The following RASAL1 variants were observed in gnomAD, a reference collection of about 807,000 sequenced individuals.
RASAL1 encodes RAS protein activator like 1.
RASAL1 carries 72 observed loss-of-function variants against 96.6 expected under a neutral mutation model. The ratio of observed to expected loss-of-function variants is 0.75; its 90% CI spans 0.62 to 0.91. The LOEUF is 0.91. RASAL1 is among the 40% of genes least tolerant of loss of function. RASAL1 has a pLI of 0.00. For missense variants in RASAL1, 1,016 were observed against 1,072.5 expected, an observed-to-expected ratio of 0.95 and a Z score of 0.74; for synonymous variants, 405 against 430.4, an observed-to-expected ratio of 0.94 and a Z score of 0.73.
intron 1 of RASAL1, among the ~76,000 whole-genome samples, chr12:113,132,909 T>G (rs373228493): frequency 6.6e-6 from 1 of 152,152 alleles, no homozygotes; most frequent in African/African-American, 2.4e-5. Flanking sequence ...CCATCCCAAA[T>G]CCATTGGAGC....
chr12:113,104,342 G>T (rs1416729395), intron 16 of RASAL1, 44 bp from the exon 17 acceptor site: 1 of 1,521,512 alleles, frequency 6.6e-7, no homozygotes, highest in South Asian at 1.2e-5. Context: ...GGGGGCTAGG[G>T]CCGGGGTGGG....
chr12:113,119,779 C>G (rs913357026), intron 5 of RASAL1, among the ~76,000 whole-genome samples: 21 of 152,306 alleles, frequency 1.4e-4, no homozygotes, highest in Admixed American at 1.3e-4. Context: ...AGATGGGAAA[C>G]TTGATGCAAA....
rs972820593 is a variant in RASAL1 at position 113,129,016 on chromosome 12, C to G, written c.123-838G>C. Among the ~76,000 whole-genome samples the G allele has an allele frequency of 6.6e-6, 1 of 151,724 alleles. No homozygotes were observed. Among genetic ancestry groups the G allele is most frequent in the Non-Finnish European group, 1.5e-5 (1 of 67,944 alleles). On this transcript the variant is annotated intron_variant, in intron 2 of 20. Coordinates refer to ENST00000548055, the MANE Select transcript of RASAL1 (RefSeq NM_001301202.2). The surrounding 1 kb of genome is among the most constrained non-coding windows in gnomAD (Gnocchi z 5.0). ...ACACACACACACAATTCCATTCATT[C>G]ATTTGTTCATTCGTTTACTCCATAA...
chr12:113,128,240 AC>A, intron 2 of RASAL1, 62 bp from the exon 3 acceptor site: 1 of 835,070 alleles, frequency 1.2e-6, no homozygotes, highest in Non-Finnish European at 2.0e-6. Context: ...ACACCTGGAG[AC>A]CCAGACACAC....
At chr12:113,117,960 A>G (rs1174250031) in intron 7 of RASAL1, among the ~76,000 whole-genome samples, 5 of 152,216 alleles carry the variant, frequency 3.3e-5, no homozygotes, top group Admixed American at 1.3e-4. Flanking sequence ...TGGGTAGCTC[A>G]TGCCTGTAAT....
intron 5 of RASAL1, among the ~76,000 whole-genome samples, chr12:113,121,281 CTGAG>C (rs1265991934): frequency 6.6e-6 from 1 of 152,202 alleles, no homozygotes; most frequent in East Asian, 1.9e-4. Context: ...ACCTGTCATC[CTGAG>C]TGTCTGGTCT....
At position 113,099,845 on chromosome 12, in the gene RASAL1, G is replaced by A. The variant is rs1950377679; in HGVS notation, c.*84C>T. ...AACCACAGAATCAAAGAGGTCCAAG[G>A]AGACAGGAGACTCCCGGGGCAGGAT... On this transcript the variant is annotated 3_prime_UTR_variant, in exon 21 of 21. Coordinates refer to ENST00000548055, the MANE Select transcript of RASAL1 (RefSeq NM_001301202.2). The A allele has an allele frequency of 6.6e-7, 1 of 1,519,236 alleles. No individual in the cohort carries two copies. The highest frequency in any genetic ancestry group is 8.9e-7 in the Non-Finnish European group (1 of 1,127,520). 94.1% of individuals were successfully genotyped at this position (1,519,236 alleles called of 1,614,324 possible).
chr12:113,114,706 G>T, intron 12 of RASAL1, 94 bp downstream of exon 12: 1 of 1,015,370 alleles, frequency 9.8e-7, no homozygotes, highest in Non-Finnish European at 1.5e-6. Flanking sequence ...TAGCCCCAGG[G>T]TGGGTGGCAG....
chr12:113,115,375 CCAAAACAT>C lies in RASAL1; in HGVS notation c.1004-119_1004-112del, dbSNP rs1452249631. On this transcript the variant is annotated intron_variant, in intron 10 of 20. Transcript: ENST00000548055. The surrounding 1 kb of genome is among the most constrained non-coding windows in gnomAD (Gnocchi z 4.1). ...TTCCAGCCCCAAGAATCAGGAAGACCCAAAACATCAACCCCATTCACAGTACAGAGGCC... is the reference window on the plus strand; with the variant it reads ...TTCCAGCCCCAAGAATCAGGAAGACCCAACCCCATTCACAGTACAGAGGCC... 14 of 1,155,796 alleles carry C rather than the reference CCAAAACAT, an allele frequency of 1.2e-5. No homozygotes were observed. The highest frequency in any genetic ancestry group is 1.6e-5 in the Non-Finnish European group (12 of 769,162). 71.6% of individuals were successfully genotyped at this position (1,155,796 alleles called of 1,614,324 possible). A position where few individuals can be genotyped will look rare whatever the true frequency, so the allele number is the denominator to read the frequency against.
chr12:113,104,395 C>T, intron 16 of RASAL1, 97 bp from the exon 17 acceptor site: 1 of 1,268,204 alleles, frequency 7.9e-7, no homozygotes, highest in East Asian at 2.6e-5. Context: ...GAGTCAGTTC[C>T]CAGCGGCGGG....
intron 13 of RASAL1, among the ~76,000 whole-genome samples, chr12:113,109,908 C>T (rs1331063342): frequency 6.6e-6 from 1 of 152,262 alleles, no homozygotes; most frequent in Admixed American, 6.5e-5. Context: ...AGGCAAAGAA[C>T]CGGTGTCAGT....
chr12:113,110,928 A>G (rs1382692255), intron 13 of RASAL1, among the ~76,000 whole-genome samples: 2 of 152,200 alleles, frequency 1.3e-5, no homozygotes, highest in Non-Finnish European at 2.9e-5. Flanking sequence ...AGTTAGTAAT[A>G]AGTAAATAAA....
rs748880283 is a variant in RASAL1 at position 113,127,819 on chromosome 12, G to T, written c.291C>A (p.Asp97Glu). 1.2e-6 allele frequency: 2 copies of T among 1,611,812 alleles called. No individual in the cohort carries two copies. The highest frequency in any genetic ancestry group is 1.1e-5 in the South Asian group (1 of 91,050). ...CCCATGTCCCTCGCCCACCTCGGGGGTCGGCTGTAATCGCCTCCCTGCTCA... is the reference window on the plus strand; with the variant it reads ...CCCATGTCCCTCGCCCACCTCGGGGTTCGGCTGTAATCGCCTCCCTGCTCA... ...ISLSREAITA[D>E]PRGIDSWINL... The change falls in exon 4 of 21, where the codon GAC becomes GAA. Residue 97 changes from aspartate (D) to glutamate (E), a missense_variant. Physicochemically the swap from Asp to Glu is conservative, Grantham distance 45. Transcript: ENST00000548055.
chr12:113,127,282 G>T (rs1192101731), intron 4 of RASAL1, among the ~76,000 whole-genome samples: 1 of 152,168 alleles, frequency 6.6e-6, no homozygotes, highest in African/African-American at 2.4e-5. Context: ...GCCAGGAAGG[G>T]AACAGAGTAG....
In RASAL1 at chr12:113,101,899, C is replaced by T; in HGVS notation, c.2215G>A (p.Asp739Asn). 1 of 1,613,446 alleles carries T rather than the reference C, an allele frequency of 6.2e-7. No homozygotes were observed. The highest frequency in any genetic ancestry group is 1.1e-5 in the South Asian group (1 of 91,026). The change falls in exon 19 of 21, where the codon GAC (aspartate) becomes AAC (asparagine). Residue 739 changes from aspartate to asparagine, a missense_variant. By Grantham distance (23) the Asp-to-Asn change is conservative. Transcript: ENST00000548055. ...GGTGGGGGCACCCACCTGAGCTGGT[C>T]CCGCCCCAGGAGCAGCTGCCGATAC... ...TVYRQLLLGR[D>N]QLRLKLLEDS...
intron 20 of RASAL1, 39 bp from the exon 21 acceptor site, chr12:113,100,107 C>G (rs1283060764): frequency 1.3e-6 from 2 of 1,543,092 alleles, no homozygotes; most frequent in Non-Finnish European, 1.8e-6. Flanking sequence ...CTCAGCCAGT[C>G]CAGGGCAGGC....
Position 113,107,113 on chromosome 12 carries a change from A to G in RASAL1, c.1641T>C (p.Asp547=). ...GGAACTCACCTTCATCCCCATCCACATCCACCAGCCGGTCCAGGAAGTCTC... is the reference window on the plus strand; with the variant it reads ...GGAACTCACCTTCATCCCCATCCACGTCCACCAGCCGGTCCAGGAAGTCTC... The part of the protein sequence containing the change: ...RVRDFLDRLV[D]VDGDEEAGVP... The change falls in exon 15 of 21, where the codon GAT becomes GAC. Residue 547 remains aspartate (D), a synonymous_variant. Transcript: ENST00000548055. The G allele has an allele frequency of 6.2e-7, 1 of 1,612,868 alleles. No homozygotes were observed. The highest frequency in any genetic ancestry group is 8.5e-7 in the Non-Finnish European group (1 of 1,179,296).
At chr12:113,102,052 T>A in intron 18 of RASAL1, 43 bp from the exon 19 acceptor site, 1 of 1,591,862 alleles carries the variant, frequency 6.3e-7, no homozygotes, top group Non-Finnish European at 8.6e-7. Flanking sequence ...CCCTCTCCCC[T>A]TCCAGAAGCC....
At chr12:113,108,964 A>G (rs997768144) in intron 13 of RASAL1, among the ~76,000 whole-genome samples, 8 of 149,770 alleles carry the variant, frequency 5.3e-5, no homozygotes, top group Admixed American at 5.3e-4. Flanking sequence ...CCTCCCAAGT[A>G]GCTGGGATTA....
Sources: allele counts gnomAD v4.1 joint callset (sites outside exome capture counted in the v4.1 genomes callset), GRCh38; gene constraint gnomAD v4.1.1; non-coding constraint Gnocchi (gnomAD v3.1); transcripts MANE v1.5; gene names NCBI Gene and HGNC (gene_info 2026-07-23, HGNC 2026-07-21).